Variants in PIK3C2B observed in about 807,000 individuals in gnomAD.
PIK3C2B encodes the protein phosphatidylinositol-4-phosphate 3-kinase catalytic subunit type 2 beta.
In PIK3C2B, 83 loss-of-function variants were observed where a neutral mutation model predicts 184.3. The observed-to-expected ratio is 0.45, with a 90% confidence interval of 0.38 to 0.54. PIK3C2B has a LOEUF of 0.54. Ranked by LOEUF, PIK3C2B falls within the 20% of genes least tolerant of loss-of-function variation. PIK3C2B has a pLI of 0.00. For missense variants in PIK3C2B, 1,736 were observed against 2,113.5 expected, an observed-to-expected ratio of 0.82 and a Z score of 3.50; for synonymous variants, 779 against 837.6, an observed-to-expected ratio of 0.93 and a Z score of 1.21.
Position 204,464,210 on chromosome 1 carries a change from C to T in PIK3C2B, c.1190-78G>A, listed in dbSNP as rs1032657402. 5 of 1,519,456 alleles carry T rather than the reference C, an allele frequency of 3.3e-6. No individual in the cohort carries two copies. In the African/African-American group the frequency reaches 6.9e-5, roughly 21 times the overall value. 94.1% of individuals were successfully genotyped at this position (1,519,456 alleles called of 1,614,324 possible). A position where few individuals can be genotyped will look rare whatever the true frequency, so the allele number is the denominator to read the frequency against. On this transcript the variant is annotated intron_variant, in intron 4 of 32. Coordinates refer to ENST00000684373, the MANE Select transcript of PIK3C2B (RefSeq NM_001377334.1). ...GTCTCAGTTTCCCCACCCTGATCCC[C>T]CTTTCCAGCTAAGTATTCTCCAGCA...
rs202166952 is a variant in PIK3C2B at position 204,441,503 on chromosome 1, G to T, written c.3217C>A (p.Pro1073Thr). The change falls in exon 21 of 33, where the codon CCC becomes ACC. Residue 1073 changes from proline to threonine, a missense_variant. By Grantham distance (38) the Pro-to-Thr change is conservative (BLOSUM62 -1). Around this residue, in one of 8 missense-constraint regions of PIK3C2B, gnomAD observed 289 missense variants for 380.4 expected, o/e 0.76. Transcript: ENST00000684373. ...PLKLSFQNVD[P>T]LGENIRVIFK... ...ATGACACGGATGTTCTCACCCAGGGGATCCACATTTTGGAAGGAGAGTTTG... is the reference window on the plus strand; with the variant it reads ...ATGACACGGATGTTCTCACCCAGGGTATCCACATTTTGGAAGGAGAGTTTG... 8 of 1,612,642 alleles carry T rather than the reference G, an allele frequency of 5.0e-6. No individual in the cohort carries two copies. The highest frequency in any genetic ancestry group is 1.7e-5 in the Admixed American group (1 of 60,002).
intron 1 of PIK3C2B, among the ~76,000 whole-genome samples, chr1:204,480,375 G>T (rs1357099499): frequency 3.3e-5 from 5 of 152,178 alleles, no homozygotes; most frequent in Non-Finnish European, 7.3e-5. Context: ...GACCACTCAG[G>T]CTAAGTGACT....
chr1:204,493,955 C>T (rs1001216707), intron 1 of PIK3C2B, among the ~76,000 whole-genome samples: 4 of 152,270 alleles, frequency 2.6e-5, no homozygotes, highest in Non-Finnish European at 5.9e-5. Flanking sequence ...ACAGAAGGCA[C>T]TAACCCCATC....
chr1:204,449,231 C>G lies in PIK3C2B; in HGVS notation c.2300G>C (p.Arg767Pro), dbSNP rs750553902. ...CTGGTGGAAATTAGGTGCACTCCAACGGGCGCTGGGATTTTCCTGTGTTGC... is the reference window on the plus strand; with the variant it reads ...CTGGTGGAAATTAGGTGCACTCCAAGGGGCGCTGGGATTTTCCTGTGTTGC... ...WPATQENPSA[R>P]WSAPNFHQPD... Residue 767 changes from arginine (R) to proline (P), a missense_variant, in exon 14 of 33, where the codon CGT (arginine) becomes CCT (proline). Physicochemically the swap from Arg to Pro is moderately radical, Grantham distance 103. This residue lies in a region of PIK3C2B where 609 missense variants were observed against 699.2 expected (regional missense o/e 0.87). Coordinates refer to ENST00000684373, the MANE Select transcript of PIK3C2B (RefSeq NM_001377334.1). The G allele has an allele frequency of 6.2e-7, 1 of 1,613,098 alleles. No homozygotes were observed. The highest frequency in any genetic ancestry group is 8.5e-7 in the Non-Finnish European group (1 of 1,179,784).
intron 18 of PIK3C2B, 116 bp downstream of exon 18, chr1:204,443,952 G>C: frequency 1.3e-6 from 1 of 757,936 alleles, no homozygotes; most frequent in Non-Finnish European, 2.4e-6. Flanking sequence ...CACAGGGTAA[G>C]TCAGCACATA....
At chr1:204,449,756 CA>C (rs1654190213) in intron 13 of PIK3C2B, 93 bp downstream of exon 13, 2 of 1,192,800 alleles carry the variant, frequency 1.7e-6, no homozygotes, top group South Asian at 3.2e-5. Flanking sequence ...CCAACTCTCC[CA>C]AGGCGCACTG....
chr1:204,438,527 G>A (rs1035783608), intron 23 of PIK3C2B, among the ~76,000 whole-genome samples: 4 of 152,126 alleles, frequency 2.6e-5, no homozygotes, highest in African/African-American at 7.2e-5. Flanking sequence ...TGAAAAGAAG[G>A]GGCTGGCATA....
At chr1:204,456,910 A>ACACACC in intron 10 of PIK3C2B, 127 bp downstream of exon 10, 2 of 173,380 alleles carry the variant, frequency 1.2e-5, no homozygotes, top group East Asian at 8.0e-5. Context: ...ACACACACCC[A>ACACACC]CACACACACA....
intron 1 of PIK3C2B, among the ~76,000 whole-genome samples, chr1:204,477,451 G>A (rs1231658141): frequency 3.3e-5 from 5 of 152,248 alleles, no homozygotes; most frequent in Admixed American, 1.3e-4. Context: ...CAGGGTCTGA[G>A]CTGCACCAGG....
Position 204,430,047 on chromosome 1 carries a change from GC to G in PIK3C2B, c.4281-10del, listed in dbSNP as rs1350221562. The stretch of plus-strand genomic sequence containing the variant: ...CGAAGCGACTAGGGAAGCTGGCGTG[GC>G]AGCGTAGGCAGCGGGGATGCAGGAG... On this transcript the variant is annotated splice_polypyrimidine_tract_variant and intron_variant, in intron 28 of 32. Coordinates refer to ENST00000684373, the MANE Select transcript of PIK3C2B (RefSeq NM_001377334.1). 1.3e-6 allele frequency: 2 copies of G among 1,550,730 alleles called. No homozygotes were observed. Among genetic ancestry groups the G allele is most frequent in the East Asian group, 4.5e-5 (2 of 44,600 alleles).
chr1:204,456,122 G>T, intron 10 of PIK3C2B, 71 bp from the exon 11 acceptor site: 1 of 1,297,460 alleles, frequency 7.7e-7, no homozygotes, highest in South Asian at 1.4e-5. Flanking sequence ...CCATGGCATT[G>T]GCTAGAATGG....
Position 204,433,967 on chromosome 1 carries a change from T to C in PIK3C2B, c.3687-18A>G. On this transcript the variant is annotated intron_variant, in intron 24 of 32. Coordinates refer to ENST00000684373, the MANE Select transcript of PIK3C2B (RefSeq NM_001377334.1). This position sits in a 1 kb window ranked among gnomAD's most constrained non-coding sequence, Gnocchi z 5.0. ...CACGGTCCCTGAGCCAAGGGGAACA[T>C]ACAGGTAGAAGGTCAACATGGAGGA... The C allele has an allele frequency of 6.2e-7, 1 of 1,611,500 alleles. No individual in the cohort carries two copies. The highest frequency in any genetic ancestry group is 2.2e-5 in the East Asian group (1 of 44,874).
intron 10 of PIK3C2B, 52 bp from the exon 11 acceptor site, chr1:204,456,103 A>T (rs1174546339): frequency 6.8e-7 from 1 of 1,479,292 alleles, no homozygotes; most frequent in Non-Finnish European, 9.3e-7. Context: ...CACAAGCCCT[A>T]CCTTGTTGCC....
intron 19 of PIK3C2B, 110 bp from the exon 20 acceptor site, chr1:204,442,743 C>T (rs538618681): frequency 7.2e-6 from 5 of 698,712 alleles, no homozygotes; most frequent in Admixed American, 4.7e-5. Context: ...AAACCACCCC[C>T]TGAGAAGTGT....
chr1:204,433,172 G>A lies in PIK3C2B; in HGVS notation c.3953+144C>T. ...ATTTACCTAAATCACGGGCAAAGTT[G>A]GGACAATGTATCCACGTGGTCAGCT... On this transcript the variant is annotated intron_variant, in intron 26 of 32. Transcript: ENST00000684373. This position sits in a 1 kb window ranked among gnomAD's most constrained non-coding sequence, Gnocchi z 5.0. The A allele has an allele frequency of 1.8e-6, 1 of 556,728 alleles. No individual in the cohort carries two copies. Among genetic ancestry groups the A allele is most frequent in the Admixed American group, 3.4e-5 (1 of 29,706 alleles). 34.5% of individuals were successfully genotyped at this position (556,728 alleles called of 1,614,324 possible).
intron 1 of PIK3C2B, among the ~76,000 whole-genome samples, chr1:204,488,196 T>TA (rs1657762053): frequency 6.6e-6 from 1 of 152,244 alleles, no homozygotes; most frequent in Non-Finnish European, 1.5e-5. Flanking sequence ...GCCGTGCTCT[T>TA]AACCATCTGC....
intron 1 of PIK3C2B, among the ~76,000 whole-genome samples, chr1:204,488,356 T>C (rs1008170773): frequency 1.3e-5 from 2 of 152,256 alleles, no homozygotes; most frequent in African/African-American, 4.8e-5. Flanking sequence ...AGGATTATCA[T>C]GAGAGTCCTT....
At position 204,424,917 on chromosome 1, in the gene PIK3C2B, G is replaced by T. The variant is rs1558225322; in HGVS notation, c.4840C>A (p.Leu1614Met). The change falls in exon 33 of 33, where the codon CTG (leucine) becomes ATG (methionine). Residue 1614 changes from leucine to methionine, a missense_variant. Around this residue, in one of 8 missense-constraint regions of PIK3C2B, gnomAD observed 95 missense variants for 164.2 expected, o/e 0.58. Transcript: ENST00000684373. ...CCGGTCTTCTCCTGAGCCAGGTCCA[G>T]CTCTCGCAGGCGGATGTTCACCTCA... is the stretch of plus-strand genomic sequence containing the variant. ...LGEVNIRLRE[L>M]DLAQEKTGWF... 1.2e-6 allele frequency: 2 copies of T among 1,614,222 alleles called. No individual in the cohort carries two copies. The highest frequency in any genetic ancestry group is 3.3e-5 in the Admixed American group (2 of 60,034).
At chr1:204,425,969 G>A (rs1013065704) in intron 31 of PIK3C2B, among the ~76,000 whole-genome samples, 6 of 152,194 alleles carry the variant, frequency 3.9e-5, no homozygotes, top group Admixed American at 2.0e-4. Context: ...ATGATATCAA[G>A]TCTATACTTT....
Sources: gnomAD v4.1 joint callset for allele counts (sites outside exome capture counted in the v4.1 genomes callset) on GRCh38, gnomAD v4.1.1 for gene constraint, gnomAD v4.1.1 regional missense constraint, Gnocchi (gnomAD v3.1) non-coding constraint, MANE v1.5 for transcripts, NCBI Gene and HGNC (gene_info 2026-07-23, HGNC 2026-07-21) for gene names.